Variants in NKAIN3 observed in about 807,000 individuals in gnomAD.
NKAIN3 encodes the protein sodium/potassium transporting ATPase interacting 3, also known as sodium/potassium-transporting ATPase subunit beta-1-interacting protein 3.
Under a neutral mutation model 30.2 loss-of-function variants are expected in NKAIN3, and 25 were observed. The observed-to-expected ratio is 0.83, with a 90% CI of 0.60 to 1.16. NKAIN3 has a LOEUF of 1.16. Ranked by LOEUF, NKAIN3 falls within the 50% of genes most tolerant of loss-of-function variation. The pLI is 0.00. For missense variants in NKAIN3, 225 were observed against 254.1 expected (o/e 0.89, Z 0.78); for synonymous variants, 91 against 89.6 (o/e 1.02, Z -0.09).
chr8:62,290,920 G>C (rs1046867989), intron 1 of NKAIN3, among the ~76,000 whole-genome samples: 2 of 152,134 alleles, frequency 1.3e-5, no homozygotes, highest in Non-Finnish European at 2.9e-5. Flanking sequence ...TTCAGAACCT[G>C]GTATGGGTCT....
chr8:62,708,014 T>C (rs1774373420), intron 3 of NKAIN3, among the ~76,000 whole-genome samples: 1 of 152,224 alleles, frequency 6.6e-6, no homozygotes, highest in Admixed American at 6.5e-5. Context: ...TTGTTTGTTT[T>C]GTCAAAGACC....
rs568367258 is a variant in NKAIN3, at chr8:62,469,531, C to A, written c.55-110008C>A. Among the ~76,000 whole-genome samples, 34 of 152,248 alleles carry A rather than the reference C, an allele frequency of 2.2e-4. 1 individual carries two copies. In the South Asian group the frequency reaches 6.8e-3, roughly 31 times the overall value. ...AGGCAGAGTGCGGACACAGAGAAGA[C>A]CTGCCTTGTCAAGACTGGCGCCCAA... On this transcript the variant is annotated intron_variant, in intron 1 of 6. Coordinates refer to ENST00000623646, the MANE Select transcript of NKAIN3 (RefSeq NM_001304533.3).
At chr8:62,295,816 T>C (rs1045411777) in intron 1 of NKAIN3, among the ~76,000 whole-genome samples, 2 of 152,196 alleles carry the variant, frequency 1.3e-5, no homozygotes, top group African/African-American at 4.8e-5. Flanking sequence ...TGTTTGTGTA[T>C]TCAAGAATGT....
At chr8:62,571,379 T>TC (rs1430227167) in intron 1 of NKAIN3, among the ~76,000 whole-genome samples, 1 of 152,072 alleles carries the variant, frequency 6.6e-6, no homozygotes, top group East Asian at 1.9e-4. Flanking sequence ...CTTGGACAGC[T>TC]CCACCTCTGT....
At chr8:62,455,886 T>TC (rs1179512050) in intron 1 of NKAIN3, among the ~76,000 whole-genome samples, 1 of 152,074 alleles carries the variant, frequency 6.6e-6, no homozygotes, top group Non-Finnish European at 1.5e-5. Flanking sequence ...ATGTTCCAAG[T>TC]CCCCCAGTGG....
chr8:62,294,192 C>G (rs567439298), intron 1 of NKAIN3, among the ~76,000 whole-genome samples: 1 of 152,142 alleles, frequency 6.6e-6, no homozygotes, highest in Non-Finnish European at 1.5e-5. Context: ...CTGGGTGAAG[C>G]GTTGCTCTGC....
intron 1 of NKAIN3, among the ~76,000 whole-genome samples, chr8:62,426,716 AAT>A (rs1366711897): frequency 6.6e-6 from 1 of 152,012 alleles, no homozygotes; most frequent in African/African-American, 2.4e-5. Flanking sequence ...GGCTGAAGTG[AAT>A]ATATAGTGGA....
At chr8:62,787,376 A>G (rs1344313039) in intron 4 of NKAIN3, among the ~76,000 whole-genome samples, 1 of 152,192 alleles carries the variant, frequency 6.6e-6, no homozygotes, top group Non-Finnish European at 1.5e-5. Context: ...AAACAAAGAA[A>G]ATAGTCAAAA....
At chr8:62,932,537 TA>T (rs1474858903) in intron 5 of NKAIN3, among the ~76,000 whole-genome samples, 8 of 152,124 alleles carry the variant, frequency 5.3e-5, no homozygotes, top group East Asian at 1.9e-4. Context: ...CCAGGGAAAA[TA>T]AGCTATAATA....
intron 4 of NKAIN3, among the ~76,000 whole-genome samples, chr8:62,767,531 G>A (rs927045214): frequency 6.6e-6 from 1 of 152,000 alleles, no homozygotes; most frequent in East Asian, 1.9e-4. Flanking sequence ...TACATGAGTC[G>A]ATAAACTCTT....
intron 1 of NKAIN3, among the ~76,000 whole-genome samples, chr8:62,480,382 A>G (rs983132437): frequency 4.6e-5 from 7 of 152,166 alleles, no homozygotes; most frequent in Non-Finnish European, 8.8e-5. Flanking sequence ...TCCTAAATAT[A>G]TACAATTTTT....
intron 5 of NKAIN3, among the ~76,000 whole-genome samples, chr8:62,995,790 T>C (rs1585653360): frequency 6.6e-6 from 1 of 152,206 alleles, no homozygotes; most frequent in East Asian, 1.9e-4. Flanking sequence ...CAACTATACT[T>C]CCATAAAGCC....
At chr8:62,369,919 GA>G (rs553559964) in intron 1 of NKAIN3, among the ~76,000 whole-genome samples, 1 of 150,288 alleles carries the variant, frequency 6.7e-6, no homozygotes, top group Non-Finnish European at 1.5e-5. Flanking sequence ...AGCCAAGATA[GA>G]AAAAAAAAGT....
chr8:62,339,165 C>G (rs1339904909), intron 1 of NKAIN3, among the ~76,000 whole-genome samples: 1 of 151,930 alleles, frequency 6.6e-6, no homozygotes, highest in Non-Finnish European at 1.5e-5. Context: ...GATGAGGTTG[C>G]TTTGTTTGGG....
In NKAIN3 at chr8:62,576,058, G is replaced by A. The variant is rs143279966; in HGVS notation, c.55-3481G>A. Among the ~76,000 whole-genome samples the A allele has an allele frequency of 2.8e-3, 427 of 152,000 alleles. 1 individual carries two copies. The highest frequency in any genetic ancestry group is 4.7e-3 in the Non-Finnish European group (322 of 67,924). ...AACTCTCCAGGTCATTGGACTGGGC[G>A]GATTTCTTTAGGAATATCCCACAAG... On this transcript the variant is annotated intron_variant, in intron 1 of 6. Transcript: ENST00000623646.
In NKAIN3 at chr8:62,311,429, C is replaced by T. The variant is rs183838897; in HGVS notation, c.54+62302C>T. Among the ~76,000 whole-genome samples the T allele has an allele frequency of 4.0e-4, 60 of 150,464 alleles. 1 individual carries two copies. The highest frequency in any genetic ancestry group is 2.1e-3 in the East Asian group (11 of 5,142). On this transcript the variant is annotated intron_variant, in intron 1 of 6. Transcript: ENST00000623646. ...TATATGGTCCAGAAACTGGGGCCTACGGATTTAAGTAGTTTGACTAAGTTC... is the reference window on the plus strand; with the variant it reads ...TATATGGTCCAGAAACTGGGGCCTATGGATTTAAGTAGTTTGACTAAGTTC...
At chr8:62,515,886 T>C (rs935211208) in intron 1 of NKAIN3, among the ~76,000 whole-genome samples, 2 of 152,268 alleles carry the variant, frequency 1.3e-5, no homozygotes, top group East Asian at 3.9e-4. Flanking sequence ...ATATTTAAAT[T>C]ACTTGCTTAT....
chr8:62,973,062 G>A lies in NKAIN3; in HGVS notation c.*7655G>A, dbSNP rs4503092. On this transcript the variant is annotated 3_prime_UTR_variant, in exon 7 of 7. Transcript: ENST00000623646. ...TATATGTGCCACATTTTCTTTATCCGTTCTAACATTGATGGGCATTTGGGT... is the reference window on the plus strand; with the variant it reads ...TATATGTGCCACATTTTCTTTATCCATTCTAACATTGATGGGCATTTGGGT... Among the ~76,000 whole-genome samples, 16,204 of 151,986 alleles carry A rather than the reference G, an allele frequency of 0.11. 891 individuals are homozygous for A. The highest frequency in any genetic ancestry group is 0.17 in the South Asian group (823 of 4,820).
At chr8:62,434,492 C>T (rs539221297) in intron 1 of NKAIN3, among the ~76,000 whole-genome samples, 1 of 152,046 alleles carries the variant, frequency 6.6e-6, no homozygotes, top group East Asian at 1.9e-4. Flanking sequence ...ATCAGACCAG[C>T]GTTTATCTTA....
Sources: gnomAD v4.1 joint callset for allele counts (sites outside exome capture counted in the v4.1 genomes callset) on GRCh38, gnomAD v4.1.1 for gene constraint, MANE v1.5 for transcripts, NCBI Gene and HGNC (gene_info 2026-07-23, HGNC 2026-07-21) for gene names.